The following MIER3 variants were observed in gnomAD, a reference collection of about 807,000 sequenced individuals.
The protein encoded by MIER3 is MIER family member 3, also known as mesoderm induction early response protein 3.
MIER3 carries 9 observed loss-of-function variants against 63.2 expected under a neutral mutation model. That is an observed-to-expected ratio of 0.14 (90% CI 0.09 to 0.25). The LOEUF (loss-of-function observed/expected upper bound fraction) is 0.25, where lower values mean the gene tolerates loss of function less well. MIER3 is among the 10% of genes least tolerant of loss of function. MIER3 has a pLI of 1.00. For missense variants in MIER3, 512 were observed against 666.2 expected, an observed-to-expected ratio of 0.77 and a Z score of 2.55; for synonymous variants, 205 against 224.9, an observed-to-expected ratio of 0.91 and a Z score of 0.79.
chr5:56,938,034 T>C (rs990743037), intron 4 of MIER3, among the ~76,000 whole-genome samples: 2 of 152,156 alleles, frequency 1.3e-5, no homozygotes, highest in African/African-American at 4.8e-5. Context: ...ATTATATTCA[T>C]TTTCTGTCAA....
chr5:56,941,965 G>A (rs756898121), intron 3 of MIER3, among the ~76,000 whole-genome samples: 12 of 152,134 alleles, frequency 7.9e-5, no homozygotes, highest in Non-Finnish European at 1.8e-4. Context: ...TTGCCTAGAT[G>A]GTGGTAACTT....
chr5:56,937,743 C>A, intron 4 of MIER3, 45 bp from the exon 5 acceptor site: 1 of 1,499,872 alleles, frequency 6.7e-7, no homozygotes. Flanking sequence ...ATGATTACAT[C>A]TCATTAATTA....
intron 2 of MIER3, among the ~76,000 whole-genome samples, chr5:56,948,771 T>C (rs1369836150): frequency 6.6e-6 from 1 of 152,222 alleles, no homozygotes; most frequent in African/African-American, 2.4e-5. Flanking sequence ...GCAAGTTCCA[T>C]GGTATGCCAA....
chr5:56,944,437 C>T (rs907066086), intron 3 of MIER3, among the ~76,000 whole-genome samples: 20 of 151,672 alleles, frequency 1.3e-4, no homozygotes, highest in African/African-American at 4.8e-4. Context: ...GCCAAGATTG[C>T]GCCACTGCAC....
At chr5:56,930,880 G>A in intron 8 of MIER3, 135 bp from the exon 9 acceptor site, 1 of 710,228 alleles carries the variant, frequency 1.4e-6, no homozygotes, top group South Asian at 1.7e-5. Context: ...GCATTTGAAG[G>A]TATATTTGCC....
intron 3 of MIER3, among the ~76,000 whole-genome samples, chr5:56,943,593 G>A (rs185710839): frequency 2.6e-5 from 4 of 152,190 alleles, no homozygotes; most frequent in African/African-American, 9.6e-5. Flanking sequence ...GGGATGACAC[G>A]GGTGGCCAGA....
chr5:56,942,174 A>G (rs1750668782), intron 3 of MIER3, among the ~76,000 whole-genome samples: 1 of 152,214 alleles, frequency 6.6e-6, no homozygotes, highest in African/African-American at 2.4e-5. Flanking sequence ...TAGCATCTAG[A>G]TGATATTTAA....
intron 10 of MIER3, among the ~76,000 whole-genome samples, chr5:56,925,828 C>A (rs1408318729): frequency 6.6e-6 from 1 of 151,750 alleles, no homozygotes; most frequent in African/African-American, 2.4e-5. Flanking sequence ...TACTGACAGT[C>A]CCCAACTTCA....
At chr5:56,930,885 T>C (rs554779914) in intron 8 of MIER3, 140 bp from the exon 9 acceptor site, 1 of 693,132 alleles carries the variant, frequency 1.4e-6, no homozygotes, top group African/African-American at 1.8e-5. Context: ...TGAAGGTATA[T>C]TTGCCCAAGC....
chr5:56,951,367 G>T (rs527301020), intron 1 of MIER3, among the ~76,000 whole-genome samples: 5 of 152,008 alleles, frequency 3.3e-5, no homozygotes, highest in South Asian at 2.1e-4. Context: ...AGTCCCGGGG[G>T]ACATGGCCGG....
rs775672048 is a variant in MIER3 at position 56,937,613 on chromosome 5, T to C, written c.401A>G (p.His134Arg). 8 of 1,611,528 alleles carry C rather than the reference T, an allele frequency of 5.0e-6. No individual in the cohort carries two copies. In the South Asian group the frequency reaches 5.5e-5, roughly 11 times the overall value. Residue 134 changes from histidine (H) to arginine (R), a missense_variant, in exon 5 of 13, where the codon CAT becomes CGT. Coordinates refer to ENST00000381199, the MANE Select transcript of MIER3 (RefSeq NM_001297599.2). Reference sequence around the variant, plus strand: ...CCTAGGGAAGAAATCAGAAGTTTCATGGGAAGTCACAGATGGCGTCAGATC... The same window carrying C: ...CCTAGGGAAGAAATCAGAAGTTTCACGGGAAGTCACAGATGGCGTCAGATC... ...ADDLTPSVTS[H>R]ETSDFFPRPL...
At chr5:56,927,839 T>C (rs184500745) in intron 10 of MIER3, 1 of 152,310 alleles carries the variant, frequency 6.6e-6, no homozygotes, top group African/African-American at 2.4e-5. Flanking sequence ...GGTAGTTTCA[T>C]TGCCCTGAAA....
rs1285512871 is a variant in MIER3, at chr5:56,920,331, CTTCT to C, written c.*2793_*2796del. The C allele has an allele frequency of 6.6e-6, 1 of 152,542 alleles. No individual in the cohort carries two copies. The highest frequency in any genetic ancestry group is 1.5e-5 in the Non-Finnish European group (1 of 67,988). The allele number at this position is 152,542 out of a possible 1,614,324, so 9.4% of individuals were successfully genotyped here. A position where few individuals can be genotyped will look rare whatever the true frequency, so the allele number is the denominator to read the frequency against. The stretch of plus-strand genomic sequence containing the variant: ...TGCTATAATCACAGCACCAGTTACA[CTTCT>C]AAATGAATCCACTGTCCTTTTCAAA... On this transcript the variant is annotated 3_prime_UTR_variant, in exon 13 of 13. Coordinates refer to ENST00000381199, the MANE Select transcript of MIER3 (RefSeq NM_001297599.2).
rs943619660 is a variant in MIER3, at chr5:56,922,957, G to A, written c.*171C>T. The A allele has an allele frequency of 1.6e-6, 1 of 618,340 alleles. No individual in the cohort carries two copies. The highest frequency in any genetic ancestry group is 2.8e-6 in the Non-Finnish European group (1 of 357,062). The allele number at this position is 618,340 out of a possible 1,614,324, so 38.3% of individuals were successfully genotyped here. The stretch of plus-strand genomic sequence containing the variant: ...ATCATAGTTCATTTCCACATTTATG[G>A]ATTGAAAAATGAAAATACTCTTGAT... On this transcript the variant is annotated 3_prime_UTR_variant, in exon 13 of 13. Coordinates refer to ENST00000381199, the MANE Select transcript of MIER3 (RefSeq NM_001297599.2).
At chr5:56,944,218 T>C (rs887685266) in intron 3 of MIER3, among the ~76,000 whole-genome samples, 35 of 152,088 alleles carry the variant, frequency 2.3e-4, no homozygotes, top group African/African-American at 8.4e-4. Context: ...ACGCCTGTAA[T>C]CCCAGCACTT....
Position 56,919,789 on chromosome 5 carries a change from G to GTACT in MIER3, c.*3335_*3338dup, listed in dbSNP as rs1749581317. The GTACT allele has an allele frequency of 6.6e-6, 1 of 152,536 alleles. No individual in the cohort carries two copies. The highest frequency in any genetic ancestry group is 2.4e-5 in the African/African-American group (1 of 41,416). The allele number at this position is 152,536 out of a possible 1,614,324, so 9.4% of individuals were successfully genotyped here. On this transcript the variant is annotated 3_prime_UTR_variant, in exon 13 of 13. Transcript: ENST00000381199. ...CACTAATTTATCTCATACTCACAGG[G>GTACT]TACTTATTTCAAACTGGGACAATTG...
chr5:56,928,966 CT>C, intron 9 of MIER3, 105 bp from the exon 10 acceptor site: 4 of 382,940 alleles, frequency 1.0e-5, no homozygotes, highest in Non-Finnish European at 2.1e-5. Context: ...CTCTCTCTCT[CT>C]CTCACACACA....
At chr5:56,938,458 T>C in intron 4 of MIER3, 1 of 447,556 alleles carries the variant, frequency 2.2e-6, no homozygotes, top group Admixed American at 2.5e-5. Flanking sequence ...ATCACCGCGG[T>C]CTTGGCTGCT....
intron 8 of MIER3, among the ~76,000 whole-genome samples, chr5:56,931,552 G>GATAA (rs59974412): frequency 0.091 from 13,863 of 151,956 alleles, 647 homozygotes; most frequent in East Asian, 0.14. Flanking sequence ...AAAAGTATCT[G>GATAA]ATATTCATTT....
Sources: allele counts gnomAD v4.1 joint callset (sites outside exome capture counted in the v4.1 genomes callset), GRCh38; gene constraint gnomAD v4.1.1; transcripts MANE v1.5; gene names NCBI Gene and HGNC (gene_info 2026-07-23, HGNC 2026-07-21).